AP2B1: variants seen among roughly 807,000 people sequenced by gnomAD.
AP2B1 encodes the protein AP-2 complex subunit beta.
A neutral mutation model predicts 102.0 loss-of-function variants in AP2B1; 23 were observed. The ratio of observed to expected loss-of-function variants is 0.23; its 90% CI spans 0.16 to 0.32. AP2B1 has a LOEUF of 0.32. Among genes scored for constraint, AP2B1 ranks in the 10% least tolerant of loss-of-function variants. The pLI is 1.00. For missense variants in AP2B1, 541 were observed against 1,157.4 expected (o/e 0.47, Z 7.73); for synonymous variants, 381 against 421.2 (o/e 0.90, Z 1.17).
intron 1 of AP2B1, among the ~76,000 whole-genome samples, chr17:35,590,437 A>G (rs2073057801): frequency 6.6e-6 from 1 of 152,202 alleles, no homozygotes. Context: ...AGTGGCATTT[A>G]GTACACTGAC....
At chr17:35,684,757 CCCATTGG>C (rs1415227078) in intron 18 of AP2B1, among the ~76,000 whole-genome samples, 7 of 152,184 alleles carry the variant, frequency 4.6e-5, no homozygotes, top group Non-Finnish European at 7.3e-5. Context: ...AATCTAACCT[CCCATTGG>C]CCACAGAGCC....
intron 5 of AP2B1, among the ~76,000 whole-genome samples, chr17:35,619,482 A>T (rs986930617): frequency 1.8e-4 from 7 of 38,524 alleles, no homozygotes; most frequent in African/African-American, 4.5e-4. Context: ...GTTTCTATTT[A>T]AAAAAAAAAC....
At chr17:35,670,982 A>G (rs2075575487) in intron 15 of AP2B1, 84 bp downstream of exon 15, 2 of 1,418,550 alleles carry the variant, frequency 1.4e-6, no homozygotes, top group South Asian at 2.3e-5. Flanking sequence ...CAGACCAGCC[A>G]CTGCTGCTGT....
intron 18 of AP2B1, among the ~76,000 whole-genome samples, chr17:35,704,347 A>T (rs2076298491): frequency 6.6e-6 from 1 of 152,150 alleles, no homozygotes; most frequent in South Asian, 2.1e-4. Flanking sequence ...TTCCTGCCTC[A>T]TTGAGAATCA....
At chr17:35,596,852 C>T (rs968262141) in intron 2 of AP2B1, 1 of 679,472 alleles carries the variant, frequency 1.5e-6, no homozygotes, top group Non-Finnish European at 2.7e-6. Flanking sequence ...CGCACACAGG[C>T]CGCCCAGCAG....
rs2076417795 is a variant in AP2B1, at chr17:35,710,128, G to A, written c.2540-106G>A. The A allele has an allele frequency of 5.2e-6, 4 of 769,814 alleles. 1 individual carries two copies. The highest frequency in any genetic ancestry group is 2.7e-5 in the East Asian group (1 of 37,724). 47.7% of individuals were successfully genotyped at this position (769,814 alleles called of 1,614,324 possible). ...CTCCATTCCCAGCCTGCTGCTAGCT[G>A]TATTGCAAGAGCCAGCATGCCAAAG... On this transcript the variant is annotated intron_variant, in intron 19 of 21. Transcript: ENST00000610402.
chr17:35,717,028 C>T (rs1189505643), intron 20 of AP2B1, among the ~76,000 whole-genome samples, 167 bp from the exon 21 acceptor site: 2 of 152,214 alleles, frequency 1.3e-5, no homozygotes, highest in Non-Finnish European at 2.9e-5. Context: ...ACCTGTTCTT[C>T]ACTTTTTGCT....
intron 17 of AP2B1, among the ~76,000 whole-genome samples, chr17:35,679,563 A>C (rs956307150): frequency 1.6e-5 from 2 of 123,240 alleles, no homozygotes; most frequent in Non-Finnish European, 3.4e-5. Flanking sequence ...AGAGCATCTC[A>C]CCAGTTCTGT....
intron 21 of AP2B1, among the ~76,000 whole-genome samples, chr17:35,719,966 G>A (rs2085308084): frequency 6.6e-6 from 1 of 152,106 alleles, no homozygotes; most frequent in African/African-American, 2.4e-5. Context: ...TTTACTTTAA[G>A]AACACCCGTG....
At chr17:35,661,376 A>AAATTTGGTT (rs1341097025) in intron 14 of AP2B1, among the ~76,000 whole-genome samples, 1 of 152,210 alleles carries the variant, frequency 6.6e-6, no homozygotes, top group Non-Finnish European at 1.5e-5. Context: ...ACATTAAACC[A>AAATTTGGTT]AATGAAATTC....
rs1555586390 is a variant in AP2B1, at chr17:35,709,359, C to G, written c.2539+51C>G. ...TGAATATACCTTTGCCCTTCCTGTG[C>G]ATGTCAGGCAGAGCATAGCCCCAGA... On this transcript the variant is annotated intron_variant, in intron 19 of 21. Transcript: ENST00000610402. 3.4e-6 allele frequency: 5 copies of G among 1,475,950 alleles called. No individual in the cohort carries two copies. In the Admixed American group the frequency reaches 8.4e-5, roughly 25 times the overall value. The allele number at this position is 1,475,950 out of a possible 1,614,324, so 91.4% of individuals were successfully genotyped here.
intron 13 of AP2B1, among the ~76,000 whole-genome samples, chr17:35,657,100 G>A (rs945658478): frequency 5.3e-5 from 8 of 152,018 alleles, no homozygotes; most frequent in African/African-American, 1.5e-4. Flanking sequence ...AAACCATTCC[G>A]AGAAGCTTTT....
chr17:35,685,074 A>G (rs981803086), intron 18 of AP2B1, among the ~76,000 whole-genome samples: 3 of 152,322 alleles, frequency 2.0e-5, no homozygotes, highest in East Asian at 3.9e-4. Flanking sequence ...CATAAACCTG[A>G]TATTATAAGA....
intron 1 of AP2B1, among the ~76,000 whole-genome samples, chr17:35,592,070 T>G (rs1331629967): frequency 6.6e-6 from 1 of 152,214 alleles, no homozygotes; most frequent in East Asian, 1.9e-4. Context: ...GTAGCACGTT[T>G]TAGAGATCAG....
At chr17:35,598,373 G>GTCCA in intron 3 of AP2B1, 38 bp downstream of exon 3, 1 of 1,299,404 alleles carries the variant, frequency 7.7e-7, no homozygotes. Context: ...CACTTCAGAG[G>GTCCA]TCCATACCCC....
chr17:35,689,423 G>A (rs371731997), intron 18 of AP2B1, among the ~76,000 whole-genome samples: 17 of 152,104 alleles, frequency 1.1e-4, no homozygotes, highest in African/African-American at 3.6e-4. Flanking sequence ...TGGGTGATCC[G>A]CCCTTGTGGG....
At chr17:35,660,906 G>A (rs2075344449) in intron 14 of AP2B1, among the ~76,000 whole-genome samples, 1 of 152,222 alleles carries the variant, frequency 6.6e-6, no homozygotes, top group South Asian at 2.1e-4. Flanking sequence ...CTTTTGCCCT[G>A]TAGGGAGAAT....
Position 35,636,353 on chromosome 17 carries a change from C to T in AP2B1, c.1168C>T (p.Arg390Cys). 4 of 1,612,564 alleles carry T rather than the reference C, an allele frequency of 2.5e-6. No individual in the cohort carries two copies. The highest frequency in any genetic ancestry group is 1.1e-5 in the South Asian group (1 of 91,030). ...CAIKVEQSAE[R>C]CVSTLLDLIQ... ...TTTTTCTTCCCAGCAATCTGCAGAG[C>T]GCTGTGTAAGCACATTGCTTGATCT... is the stretch of plus-strand genomic sequence containing the variant. Residue 390 changes from arginine to cysteine, a missense_variant, in exon 10 of 22, where the codon CGC becomes TGC. Physicochemically the swap from Arg to Cys is radical, Grantham distance 180. Coordinates refer to ENST00000610402, the MANE Select transcript of AP2B1 (RefSeq NM_001030006.2).
At chr17:35,711,695 TCTC>T (rs1309350288) in intron 20 of AP2B1, among the ~76,000 whole-genome samples, 1 of 152,188 alleles carries the variant, frequency 6.6e-6, no homozygotes, top group Non-Finnish European at 1.5e-5. Flanking sequence ...ATGTTCTTGA[TCTC>T]CTGACCTTGT....
Sources: gnomAD v4.1 joint callset for allele counts (sites outside exome capture counted in the v4.1 genomes callset) on GRCh38, gnomAD v4.1.1 for gene constraint, MANE v1.5 for transcripts, NCBI Gene and HGNC (gene_info 2026-07-23, HGNC 2026-07-21) for gene names.